The following TLR6 variants were observed in gnomAD, a reference collection of about 807,000 sequenced individuals.
TLR6 encodes the protein toll like receptor 6.
TLR6 carries 9 observed loss-of-function variants against 16.1 expected under a neutral mutation model. That is an observed-to-expected ratio of 0.56 (90% confidence interval 0.34 to 0.98). The LOEUF (loss-of-function observed/expected upper bound fraction) is 0.98. Ranked by LOEUF, TLR6 falls within the 50% of genes least tolerant of loss-of-function variation. TLR6 has a pLI of 0.02. For missense variants in TLR6, 786 were observed against 921.0 expected, an observed-to-expected ratio of 0.85 and a Z score of 1.90; for synonymous variants, 340 against 338.6, an observed-to-expected ratio of 1.00 and a Z score of -0.04.
At chr4:38,828,286 A>G in exon 2 of TLR6, 2 of 1,613,556 alleles carry the variant, frequency 1.2e-6, no homozygotes, top group Non-Finnish European at 1.7e-6. Context: ...TCGTCATGAG[A>G]CCTACTTTGA....
Position 38,837,309 on chromosome 4 carries a change from G to T in TLR6, c.-64-7772C>A, listed in dbSNP as rs1711977665. On this transcript the variant is annotated intron_variant, in intron 1 of 1. Transcript: ENST00000436693. Reference sequence around the variant, plus strand: ...ACTGAGGAAAAGGGGCAAAGCTGAAGGGATCACACTACTTGACTTCAAACG... The same window carrying T: ...ACTGAGGAAAAGGGGCAAAGCTGAATGGATCACACTACTTGACTTCAAACG... 2.0e-5 allele frequency among the ~76,000 whole-genome samples: 3 copies of T among 152,154 alleles called. No homozygotes were observed. In the South Asian group the frequency reaches 6.2e-4, roughly 32 times the overall value.
At chr4:38,864,886 T>G in the TLR6 span, among the ~76,000 whole-genome samples, 1 of 152,180 alleles carries the variant, frequency 6.6e-6, no homozygotes, top group East Asian at 1.9e-4. Flanking sequence ...AGTGGCACCC[T>G]GTGATCCTAG....
chr4:38,868,073 G>A, the TLR6 span: 1 of 415,644 alleles, frequency 2.4e-6, no homozygotes, highest in Non-Finnish European at 4.9e-6. Flanking sequence ...GTGTGTGTGA[G>A]TGTGTGTCGC....
At chr4:38,830,937 G>A (rs1240144630) in intron 1 of TLR6, among the ~76,000 whole-genome samples, 2 of 151,704 alleles carry the variant, frequency 1.3e-5, no homozygotes, top group Non-Finnish European at 2.9e-5. Flanking sequence ...TTATCTTTTT[G>A]ATTGTGTAAC....
exon 2 of TLR6, chr4:38,825,221 C>G (rs886891927): frequency 2.6e-5 from 4 of 152,164 alleles, no homozygotes; most frequent in Non-Finnish European, 5.9e-5. Flanking sequence ...GGGCAGATAC[C>G]ATAAATTTTA....
At chr4:38,850,728 G>A (rs1386857279) in intron 1 of TLR6, among the ~76,000 whole-genome samples, 4 of 152,262 alleles carry the variant, frequency 2.6e-5, no homozygotes, top group Middle Eastern at 6.8e-3. Flanking sequence ...TGAAATTGAG[G>A]CAATAATTAA....
chr4:38,867,727 G>A, the TLR6 span: 16 of 151,160 alleles, frequency 1.1e-4, no homozygotes, highest in African/African-American at 2.9e-4. Flanking sequence ...AGGCGGGGCG[G>A]GGCCCCCTCT....
At chr4:38,855,770 A>G (rs1712957168) in intron 1 of TLR6, among the ~76,000 whole-genome samples, 1 of 152,252 alleles carries the variant, frequency 6.6e-6, no homozygotes, top group South Asian at 2.1e-4. Flanking sequence ...CTAAATGAAC[A>G]AGATAGTAAC....
intron 1 of TLR6, among the ~76,000 whole-genome samples, chr4:38,852,571 G>T (rs984715161): frequency 2.0e-5 from 3 of 152,066 alleles, no homozygotes; most frequent in African/African-American, 7.2e-5. Context: ...GTGGGCGAAG[G>T]ATATGAACAG....
At chr4:38,829,393 C>T (rs759149570) in exon 2 of TLR6, 2 of 1,614,102 alleles carry the variant, frequency 1.2e-6, no homozygotes, top group Non-Finnish European at 1.7e-6. Flanking sequence ...CGTCGGAGAA[C>T]TGGATTCTGG....
Position 38,827,485 on chromosome 4 carries a change from G to A in TLR6, c.1989C>T (p.Tyr663=), listed in dbSNP as rs1261166791. The stretch of plus-strand genomic sequence containing the variant: ...AAATCTGTATATCTTCTTTTTCTAG[G>A]TAAGGTACCAATTCACTTTTCACCC... The change falls in exon 2 of 2, where the codon TAC becomes TAT. Residue 663 remains tyrosine, a synonymous_variant. Coordinates refer to ENST00000436693, the Ensembl canonical transcript of TLR6. The A allele has an allele frequency of 1.9e-6, 3 of 1,614,156 alleles. No individual in the cohort carries two copies. The South Asian group carries it at 3.3e-5, about 18-fold the overall frequency.
At chr4:38,853,968 T>G (rs1712867884) in intron 1 of TLR6, among the ~76,000 whole-genome samples, 1 of 152,210 alleles carries the variant, frequency 6.6e-6, no homozygotes, top group Admixed American at 6.5e-5. Flanking sequence ...TATGTACCTA[T>G]GCAAGTAGAA....
At chr4:38,834,064 T>TAAA (rs372189493) in intron 1 of TLR6, among the ~76,000 whole-genome samples, 1 of 137,548 alleles carries the variant, frequency 7.3e-6, no homozygotes, top group Non-Finnish European at 1.6e-5. Context: ...ATATCTGTAC[T>TAAA]AAAAAAAAAA....
rs3796508 is a variant in TLR6, at chr4:38,828,495, C to T, written c.979G>A (p.Val327Met). The change falls in exon 2 of 2, where the codon GTG becomes ATG. Residue 327 changes from valine (V) to methionine (M), a missense_variant. Transcript: ENST00000436693. ...ATCATAATGTTCATCTCAGAAAACA[C>T]GGTGTACAAAGCTGTCTGTGAAAAC... 10,707 of 1,614,054 alleles carry T rather than the reference C, an allele frequency of 6.6e-3. 214 individuals carry two copies. The highest frequency in any genetic ancestry group is 0.063 in the East Asian group (2,827 of 44,874).
chr4:38,846,876 AT>A (rs1294433433), intron 1 of TLR6, among the ~76,000 whole-genome samples: 2 of 152,082 alleles, frequency 1.3e-5, no homozygotes, highest in Non-Finnish European at 2.9e-5. Flanking sequence ...ATTTGTAAGT[AT>A]ATATATTATA....
upstream of TLR6, among the ~76,000 whole-genome samples, chr4:38,859,874 A>G (rs532965839): frequency 1.3e-4 from 19 of 151,818 alleles, no homozygotes; most frequent in Non-Finnish European, 2.1e-4. Flanking sequence ...CCTCTTCACC[A>G]TTTTATGCTT....
At chr4:38,841,898 G>T (rs1023213170) in intron 1 of TLR6, among the ~76,000 whole-genome samples, 2 of 152,072 alleles carry the variant, frequency 1.3e-5, no homozygotes, top group African/African-American at 4.8e-5. Flanking sequence ...TATTTTATTT[G>T]TAAAGTGATT....
At chr4:38,828,955 A>G (rs2109411793) in exon 2 of TLR6, 1 of 1,613,274 alleles carries the variant, frequency 6.2e-7, no homozygotes, top group Non-Finnish European at 8.5e-7. Context: ...CCAGAAGGAT[A>G]TAACTTAGAT....
chr4:38,827,622 C>T (rs1362629098), exon 2 of TLR6: 2 of 1,614,230 alleles, frequency 1.2e-6, no homozygotes, highest in Admixed American at 1.7e-5. Context: ...CACTGGCACA[C>T]CATCCTGAGA....
Sources: allele counts gnomAD v4.1 joint callset (sites outside exome capture counted in the v4.1 genomes callset), GRCh38; gene constraint gnomAD v4.1.1; transcripts MANE v1.5; gene names NCBI Gene and HGNC (gene_info 2026-07-23, HGNC 2026-07-21).